Variants in FBXW7 observed in about 807,000 individuals in gnomAD.
The protein encoded by FBXW7 is F-box/WD repeat-containing protein 7.
In FBXW7, 11 loss-of-function variants were observed where a neutral mutation model predicts 86.3. The ratio of observed to expected loss-of-function variants is 0.13; its 90% CI spans 0.08 to 0.21. The LOEUF (loss-of-function observed/expected upper bound fraction) is 0.21, where lower values mean the gene tolerates loss of function less well. Among genes scored for constraint, FBXW7 ranks in the 10% least tolerant of loss-of-function variants. The pLI is 1.00. For synonymous variants in FBXW7, 313 were observed against 297.9 expected, an observed-to-expected ratio of 1.05 and a Z score of -0.52; for missense variants, 488 against 847.4, an observed-to-expected ratio of 0.58 and a Z score of 5.27.
intron 2 of FBXW7, among the ~76,000 whole-genome samples, chr4:152,449,191 G>GCCA (rs1183959606): frequency 6.6e-6 from 1 of 152,172 alleles, no homozygotes; most frequent in African/African-American, 2.4e-5. Context: ...CAAGAAGCCT[G>GCCA]CCAAATACTC....
intron 2 of FBXW7, among the ~76,000 whole-genome samples, chr4:152,449,592 A>G (rs1027006971): frequency 2.6e-5 from 4 of 152,240 alleles, no homozygotes; most frequent in Non-Finnish European, 5.9e-5. Context: ...GGTACTGACC[A>G]CAAGTAAAAA....
At chr4:152,471,121 T>C (rs1432424240) in intron 2 of FBXW7, among the ~76,000 whole-genome samples, 4 of 151,862 alleles carry the variant, frequency 2.6e-5, no homozygotes, top group African/African-American at 4.8e-5. Flanking sequence ...AGATTTTCTA[T>C]GACTACTACT....
intron 4 of FBXW7, among the ~76,000 whole-genome samples, chr4:152,391,508 T>C (rs765394698): frequency 1.9e-4 from 29 of 152,006 alleles, no homozygotes; most frequent in Non-Finnish European, 3.4e-4. Context: ...AATACAAAGA[T>C]CTTGGGATAG....
At chr4:152,466,095 C>G (rs758646796) in intron 2 of FBXW7, among the ~76,000 whole-genome samples, 5 of 152,146 alleles carry the variant, frequency 3.3e-5, no homozygotes, top group African/African-American at 4.8e-5. Flanking sequence ...CAACCTTACA[C>G]AGAAAGCTAA....
chr4:152,418,155 A>ACAC (rs1553973678), intron 2 of FBXW7, among the ~76,000 whole-genome samples: 1 of 151,928 alleles, frequency 6.6e-6, no homozygotes, highest in South Asian at 2.1e-4. Flanking sequence ...ACACACACAC[A>ACAC]CACACACAAA....
chr4:152,500,496 CAAAAAA>C (rs34375454), intron 2 of FBXW7, among the ~76,000 whole-genome samples: 30 of 73,092 alleles, frequency 4.1e-4, no homozygotes, highest in African/African-American at 1.2e-3. Flanking sequence ...GCTTTGTCAG[CAAAAAA>C]AAAAAAAAAA....
chr4:152,490,485 T>C (rs1252678250), intron 2 of FBXW7, among the ~76,000 whole-genome samples: 2 of 151,994 alleles, frequency 1.3e-5, no homozygotes, highest in African/African-American at 2.4e-5. Flanking sequence ...CCAACAACAC[T>C]ATAAGGTACA....
intron 7 of FBXW7, among the ~76,000 whole-genome samples, chr4:152,336,383 A>G (rs1164522274): frequency 6.6e-6 from 1 of 152,108 alleles, no homozygotes; most frequent in Non-Finnish European, 1.5e-5. Flanking sequence ...AGTTATGGAA[A>G]TTCAAATAAA....
intron 2 of FBXW7, among the ~76,000 whole-genome samples, chr4:152,444,402 G>C (rs1035093043): frequency 1.3e-5 from 2 of 151,652 alleles, no homozygotes; most frequent in East Asian, 3.9e-4. Context: ...ATAATGGTAC[G>C]AACATCCTTG....
intron 6 of FBXW7, among the ~76,000 whole-genome samples, chr4:152,339,922 C>CAAAA (rs1227838925): frequency 6.0e-5 from 4 of 66,302 alleles, no homozygotes; most frequent in East Asian, 3.8e-4. Context: ...GGCTTTGTCT[C>CAAAA]AAAAAAAAAA....
intron 4 of FBXW7, among the ~76,000 whole-genome samples, chr4:152,358,955 T>C (rs953399966): frequency 2.0e-5 from 3 of 152,108 alleles, no homozygotes; most frequent in Non-Finnish European, 4.4e-5. Flanking sequence ...TTCCATTAGA[T>C]ATGTGGTAGC....
intron 4 of FBXW7, among the ~76,000 whole-genome samples, chr4:152,360,553 A>AC (rs745423024): frequency 1.3e-5 from 2 of 152,030 alleles, no homozygotes; most frequent in African/African-American, 2.4e-5. Flanking sequence ...ATCTTGTTCT[A>AC]CCCCAGCCCT....
chr4:152,448,057 G>A (rs1741573146), intron 2 of FBXW7, among the ~76,000 whole-genome samples: 1 of 152,134 alleles, frequency 6.6e-6, no homozygotes, highest in Non-Finnish European at 1.5e-5. Context: ...AGTTACTGAG[G>A]CTACTCACAA....
At chr4:152,512,849 C>T (rs768097977) in intron 2 of FBXW7, among the ~76,000 whole-genome samples, 2 of 151,990 alleles carry the variant, frequency 1.3e-5, no homozygotes, top group African/African-American at 2.4e-5. Flanking sequence ...ACAATGAAAA[C>T]GACCGAATAT....
At chr4:152,411,193 C>G (rs1737916873) in intron 4 of FBXW7, 110 bp downstream of exon 4, 1 of 1,335,080 alleles carries the variant, frequency 7.5e-7, no homozygotes, top group Admixed American at 3.0e-5. Context: ...TTTATTATTA[C>G]ACATCTTAAG....
At chr4:152,376,149 A>G (rs1012931764) in intron 4 of FBXW7, among the ~76,000 whole-genome samples, 6 of 152,120 alleles carry the variant, frequency 3.9e-5, no homozygotes, top group Admixed American at 3.9e-4. Flanking sequence ...CCTTTTCTAC[A>G]TTACATATTT....
At chr4:152,357,848 G>T (rs562138944) in intron 4 of FBXW7, among the ~76,000 whole-genome samples, 1 of 152,214 alleles carries the variant, frequency 6.6e-6, no homozygotes, top group East Asian at 1.9e-4. Flanking sequence ...AATAGTGCAA[G>T]TTAAGAGTTC....
intron 4 of FBXW7, among the ~76,000 whole-genome samples, chr4:152,384,083 T>C (rs1021869941): frequency 1.3e-5 from 2 of 152,142 alleles, no homozygotes; most frequent in Admixed American, 6.6e-5. Flanking sequence ...GGCGGCAATG[T>C]GAAATGAATG....
intron 2 of FBXW7, among the ~76,000 whole-genome samples, chr4:152,418,127 CCACACACACA>C (rs3047865): frequency 6.3e-5 from 9 of 143,936 alleles, no homozygotes; most frequent in East Asian, 4.1e-4. Flanking sequence ...ACAGCTCTTA[CCACACACACA>C]CACACACACA....
Sources: gnomAD v4.1 joint callset for allele counts (sites outside exome capture counted in the v4.1 genomes callset) on GRCh38, gnomAD v4.1.1 for gene constraint, MANE v1.5 for transcripts, NCBI Gene and HGNC (gene_info 2026-07-23, HGNC 2026-07-21) for gene names.